SNF8: variants seen among roughly 807,000 people sequenced by gnomAD.
SNF8 encodes the protein SNF8 subunit of ESCRT-II.
Under a neutral mutation model 36.8 loss-of-function variants are expected in SNF8, and 19 were observed. That is an observed-to-expected ratio of 0.52 (90% CI 0.36 to 0.76). SNF8 has a LOEUF of 0.76. Ranked by LOEUF, SNF8 falls within the 30% of genes least tolerant of loss-of-function variation. The pLI is 0.00. For missense variants in SNF8, 268 were observed against 322.9 expected (o/e 0.83, Z 1.30); for synonymous variants, 127 against 127.4 (o/e 1.00, Z 0.02).
chr17:48,940,010 G>T (rs1158423131), intron 3 of SNF8, among the ~76,000 whole-genome samples: 1 of 148,220 alleles, frequency 6.7e-6, no homozygotes, highest in African/African-American at 2.5e-5. Flanking sequence ...GGGAGGCAGA[G>T]GTTGCAGTGA....
Position 48,943,907 on chromosome 17 carries a change from G to GC in SNF8, c.105+17dup, listed in dbSNP as rs749010734. On this transcript the variant is annotated intron_variant, in intron 2 of 7. Coordinates refer to ENST00000502492, the MANE Select transcript of SNF8 (RefSeq NM_007241.4). ...GGTTAGGTCTCCCTCCCTGCCTGGG[G>GC]CCCCCCAACCGACTTACCTGGGCTA... 14 of 1,613,192 alleles carry GC rather than the reference G, an allele frequency of 8.7e-6. No individual in the cohort carries two copies. The highest frequency in any genetic ancestry group is 6.7e-5 in the African/African-American group (5 of 74,894).
At chr17:48,931,899 G>A (rs530750510) in intron 6 of SNF8, 182 bp from the exon 7 acceptor site, 2 of 513,330 alleles carry the variant, frequency 3.9e-6, no homozygotes, top group African/African-American at 2.0e-5. Flanking sequence ...GCATGACAGA[G>A]GTAGGTTGGT....
chr17:48,934,835 G>A (rs922747000), intron 5 of SNF8, among the ~76,000 whole-genome samples: 1 of 152,118 alleles, frequency 6.6e-6, no homozygotes, highest in Non-Finnish European at 1.5e-5. Context: ...GATTACAGGT[G>A]TAAGCTATTG....
chr17:48,941,112 C>G, intron 2 of SNF8, 50 bp from the exon 3 acceptor site: 1 of 1,598,056 alleles, frequency 6.3e-7, no homozygotes, highest in Non-Finnish European at 8.6e-7. Flanking sequence ...AAATGATAAT[C>G]AGATGCCAAA....
At chr17:48,944,207 C>T in intron 1 of SNF8, 1 of 475,968 alleles carries the variant, frequency 2.1e-6, no homozygotes, top group Non-Finnish European at 3.9e-6. Context: ...GAGGCTGAGG[C>T]AGGAGAACGG....
At position 48,943,925 on chromosome 17, in the gene SNF8, CT is replaced by C. The variant is rs1206368597; in HGVS notation, c.104del (p.Gln35ArgfsTer66). The C allele has an allele frequency of 4.3e-6, 7 of 1,614,010 alleles. No individual in the cohort carries two copies. The East Asian group carries it at 1.6e-4, about 36-fold the overall frequency. On this transcript the variant is annotated frameshift_variant and splice_region_variant, in exon 2 of 8. Transcript: ENST00000502492. LOFTEE classifies it high-confidence loss of function. ...GTVLAEDQLA[Q>X]MSKQLDMFKT... ...GCCTGGGGCCCCCCAACCGACTTACCTGGGCTAGCTGGTCCTCAGCCAAGAC... is the reference window on the plus strand; with the variant it reads ...GCCTGGGGCCCCCCAACCGACTTACCGGGCTAGCTGGTCCTCAGCCAAGAC...
chr17:48,941,146 G>A (rs945134607), intron 2 of SNF8, 84 bp from the exon 3 acceptor site: 36 of 1,509,476 alleles, frequency 2.4e-5, no homozygotes, highest in Middle Eastern at 1.8e-4. Context: ...CCCTGTGGCA[G>A]GGCAAAGGCT....
At chr17:48,933,599 G>A (rs2040892438) in intron 5 of SNF8, 1 of 424,078 alleles carries the variant, frequency 2.4e-6, no homozygotes, top group South Asian at 3.0e-5. Context: ...AAATTAGCAG[G>A]GCATGGTGGC....
At chr17:48,941,512 C>CG (rs1260086771) in intron 2 of SNF8, among the ~76,000 whole-genome samples, 43 of 152,018 alleles carry the variant, frequency 2.8e-4, no homozygotes, top group Admixed American at 2.8e-3. Context: ...CTTTACCCCC[C>CG]CCAGCCGACA....
At chr17:48,944,485 G>C (rs914243364) in intron 1 of SNF8, among the ~76,000 whole-genome samples, 196 bp downstream of exon 1, 8 of 152,192 alleles carry the variant, frequency 5.3e-5, no homozygotes, top group African/African-American at 1.9e-4. Flanking sequence ...AGTTAAACTT[G>C]GGTAAATGGG....
chr17:48,936,167 T>A lies in SNF8; in HGVS notation c.422+3A>T. On this transcript the variant is annotated splice_donor_region_variant and intron_variant, in intron 5 of 7. Coordinates refer to ENST00000502492, the MANE Select transcript of SNF8 (RefSeq NM_007241.4). Reference sequence around the variant, plus strand: ...CTCCAAGGGATTGGAAGACAAGACCTACTGACTGACATCCTGGGCGAACTT... The same window carrying A: ...CTCCAAGGGATTGGAAGACAAGACCAACTGACTGACATCCTGGGCGAACTT... 1 of 1,611,660 alleles carries A rather than the reference T, an allele frequency of 6.2e-7. No homozygotes were observed.
chr17:48,937,267 A>G (rs1598088662), intron 3 of SNF8, 143 bp from the exon 4 acceptor site: 3 of 740,162 alleles, frequency 4.1e-6, no homozygotes, highest in Non-Finnish European at 7.3e-6. Flanking sequence ...TACTCAGGAA[A>G]CAATCGGACT....
chr17:48,941,429 T>C (rs2041021988), intron 2 of SNF8, among the ~76,000 whole-genome samples: 1 of 152,160 alleles, frequency 6.6e-6, no homozygotes, highest in South Asian at 2.1e-4. Context: ...AAAAACGTAT[T>C]AATTTGAAGA....
At chr17:48,943,838 A>G (rs2143823175) in intron 2 of SNF8, 87 bp downstream of exon 2, 2 of 1,218,798 alleles carry the variant, frequency 1.6e-6, no homozygotes, top group South Asian at 1.2e-5. Context: ...TTCTAGTTCA[A>G]TCTACACAAT....
intron 3 of SNF8, among the ~76,000 whole-genome samples, chr17:48,938,985 G>A (rs373775111): frequency 2.0e-5 from 3 of 152,084 alleles, no homozygotes; most frequent in African/African-American, 4.8e-5. Context: ...GTAGCCGGGC[G>A]CGGTAGCTCA....
intron 3 of SNF8, chr17:48,937,348 C>A: frequency 1.5e-6 from 1 of 648,620 alleles, no homozygotes; most frequent in East Asian, 3.1e-5. Flanking sequence ...TCATTTCTGG[C>A]CGGGCGCAGT....
chr17:48,933,022 C>CCAGTGCTTTG (rs2040882137), intron 6 of SNF8, 183 bp downstream of exon 6: 2 of 570,116 alleles, frequency 3.5e-6, no homozygotes, highest in Non-Finnish European at 6.0e-6. Flanking sequence ...ACAGCCTGGC[C>CCAGTGCTTTG]CAGTGCTTTG....
At chr17:48,944,221 G>A in intron 1 of SNF8, 1 of 468,118 alleles carries the variant, frequency 2.1e-6, no homozygotes, top group Non-Finnish European at 3.9e-6. Flanking sequence ...AGAACGGCGT[G>A]AACCCTGGAG....
In SNF8 at chr17:48,930,162, C is replaced by A; in HGVS notation, c.*313G>T. On this transcript the variant is annotated 3_prime_UTR_variant, in exon 8 of 8. Coordinates refer to ENST00000502492, the MANE Select transcript of SNF8 (RefSeq NM_007241.4). Reference sequence around the variant, plus strand: ...ATAGGCTGTAATCTATGTCTCACAGCTACAAAGACTAGACAGGCCAGGAAA... The same window carrying A: ...ATAGGCTGTAATCTATGTCTCACAGATACAAAGACTAGACAGGCCAGGAAA... 4.8e-6 allele frequency: 1 copy of A among 207,912 alleles called. No homozygotes were observed. Among genetic ancestry groups the A allele is most frequent in the Non-Finnish European group, 9.6e-6 (1 of 103,742 alleles). The allele number at this position is 207,912 out of a possible 1,614,324, so 12.9% of individuals were successfully genotyped here.
Sources: allele counts gnomAD v4.1 joint callset (sites outside exome capture counted in the v4.1 genomes callset), GRCh38; gene constraint gnomAD v4.1.1; transcripts MANE v1.5; gene names NCBI Gene and HGNC (gene_info 2026-07-23, HGNC 2026-07-21).